DEF8: variants seen among roughly 807,000 people sequenced by gnomAD.
DEF8 encodes DEF-8.
A neutral mutation model predicts 59.1 loss-of-function variants in DEF8; 38 were observed. That is an observed-to-expected ratio of 0.64 (90% CI 0.50 to 0.84). The LOEUF (loss-of-function observed/expected upper bound fraction) is 0.84, where lower values mean the gene tolerates loss of function less well. DEF8 is among the 40% of genes least tolerant of loss of function. The pLI is 0.00. For missense variants in DEF8, 557 were observed against 615.2 expected (o/e 0.91, Z 1.00); for synonymous variants, 265 against 250.1 (o/e 1.06, Z -0.56).
At position 89,961,752 on chromosome 16, in the gene DEF8, A is replaced by G; in HGVS notation, c.695A>G (p.Glu232Gly). ...GACCCTGCAGGGGGTGTGCCCAGTGAGGCCAGGCAGTGCGACTACACCGGC... is the reference window on the plus strand; with the variant it reads ...GACCCTGCAGGGGGTGTGCCCAGTGGGGCCAGGCAGTGCGACTACACCGGC... The part of the protein sequence containing the change: ...APISLRGVPS[E>G]ARQCDYTGQY... The change falls in exon 8 of 13, where the codon GAG becomes GGG. Residue 232 changes from glutamate (E) to glycine (G), a missense_variant. Physicochemically the swap from Glu to Gly is moderately conservative, Grantham distance 98. Transcript: ENST00000563594. 4 of 1,613,502 alleles carry G rather than the reference A, an allele frequency of 2.5e-6. No homozygotes were observed.
At chr16:89,956,491 G>A (rs2151167802) in intron 4 of DEF8, 1 of 151,704 alleles carries the variant, frequency 6.6e-6, no homozygotes, top group South Asian at 2.1e-4. Context: ...TCATATATTT[G>A]TTTCGTATCT....
rs1159724132 is a variant in DEF8, at chr16:89,954,601, T to G, written c.124+225T>G. Among the ~76,000 whole-genome samples the G allele has an allele frequency of 6.6e-6, 1 of 152,202 alleles. No homozygotes were observed. Among genetic ancestry groups the G allele is most frequent in the Non-Finnish European group, 1.5e-5 (1 of 68,028 alleles). ...GCAAGATTTGTGCCTGACCCATCAC[T>G]GCTGCATCCTAGGGCCCAGCACATA... On this transcript the variant is annotated intron_variant, in intron 3 of 12. Coordinates refer to ENST00000563594, the MANE Select transcript of DEF8 (RefSeq NM_001242818.2). The surrounding 1 kb of genome is among the most constrained non-coding windows in gnomAD (Gnocchi z 4.3).
rs975846760 is a variant in DEF8, at chr16:89,963,696, A to G, written c.1002+253A>G. 4 of 540,550 alleles carry G rather than the reference A, an allele frequency of 7.4e-6. No homozygotes were observed. In the East Asian group the frequency reaches 9.1e-5, roughly 12 times the overall value. The allele number at this position is 540,550 out of a possible 1,614,324, so 33.5% of individuals were successfully genotyped here. A position where few individuals can be genotyped will look rare whatever the true frequency, so the allele number is the denominator to read the frequency against. On this transcript the variant is annotated intron_variant, in intron 10 of 12. Transcript: ENST00000563594. ...GGGTCCAGCCCAGCCCTCGTCAGGC[A>G]GGTTGACCACAAAACACAGTTTTCA...
Position 89,957,649 on chromosome 16 carries a change from C to T in DEF8, c.361C>T (p.Gln121Ter). ...VRLIHLRLKL[Q>*]ELKDPNEDEP... ...ACTCATCCACCTCCGGCTGAAGCTCCAGGAGCTGAAGGTGGGTGTGGGGCC... is the reference window on the plus strand; with the variant it reads ...ACTCATCCACCTCCGGCTGAAGCTCTAGGAGCTGAAGGTGGGTGTGGGGCC... The change falls in exon 5 of 13, where the codon CAG (glutamine) becomes TAG (stop). Residue 121 changes from glutamine to a stop codon, truncating the protein, a stop_gained. Coordinates refer to ENST00000563594, the MANE Select transcript of DEF8 (RefSeq NM_001242818.2). LOFTEE classifies it high-confidence loss of function. 1.3e-6 allele frequency: 2 copies of T among 1,562,708 alleles called. No individual in the cohort carries two copies. Among genetic ancestry groups the T allele is most frequent in the East Asian group, 2.4e-5 (1 of 42,026 alleles).
chr16:89,961,225 T>C, intron 7 of DEF8, 130 bp downstream of exon 7: 2 of 1,218,234 alleles, frequency 1.6e-6, no homozygotes, highest in Non-Finnish European at 1.1e-6. Flanking sequence ...TTGATATCTT[T>C]AGGAAGTGAC....
Position 89,961,762 on chromosome 16 carries a change from G to C in DEF8, c.705G>C (p.Gln235His). 6.2e-7 allele frequency: 1 copy of C among 1,613,564 alleles called. No individual in the cohort carries two copies. Among genetic ancestry groups the C allele is most frequent in the South Asian group, 1.1e-5 (1 of 91,074 alleles). ...GGGGTGTGCCCAGTGAGGCCAGGCAGTGCGACTACACCGGCCAGTACTACT... is the reference window on the plus strand; with the variant it reads ...GGGGTGTGCCCAGTGAGGCCAGGCACTGCGACTACACCGGCCAGTACTACT... ...SLRGVPSEAR[Q>H]CDYTGQYYCS... Residue 235 changes from glutamine (Q) to histidine (H), a missense_variant, in exon 8 of 13, where the codon CAG becomes CAC. Gln to His is a conservative substitution (Grantham distance 24). Transcript: ENST00000563594.
chr16:89,949,568 C>T (rs149002141), intron 2 of DEF8, 55 bp downstream of exon 2: 1 of 1,613,414 alleles, frequency 6.2e-7, no homozygotes, highest in Non-Finnish European at 8.5e-7. Context: ...TTCTCAGGTT[C>T]TCGGGGTGGC....
chr16:89,962,775 C>G (rs557862926), intron 9 of DEF8, among the ~76,000 whole-genome samples: 1 of 152,372 alleles, frequency 6.6e-6, no homozygotes, highest in East Asian at 1.9e-4. Context: ...TATTTGCTTT[C>G]TTTTTCTTTT....
chr16:89,965,788 G>A (rs2034560191), intron 12 of DEF8, 73 bp from the exon 13 acceptor site: 4 of 979,666 alleles, frequency 4.1e-6, no homozygotes, highest in Non-Finnish European at 6.2e-6. Flanking sequence ...GATAGGAGCT[G>A]ACCTAGGACG....
At chr16:89,962,196 C>T (rs1478693965) in intron 9 of DEF8, 71 bp downstream of exon 9, 2 of 1,338,296 alleles carry the variant, frequency 1.5e-6, no homozygotes, top group Non-Finnish European at 1.1e-6. Flanking sequence ...GGGCCAGTAC[C>T]CTCTTCTCCT....
chr16:89,949,483 G>C lies in DEF8; in HGVS notation c.-41G>C. ...CTAGAGGAATGGCCATCCTGTCCCT[G>C]CGAGCCCCTGGGCCCTGGCAGGCGA... is the stretch of plus-strand genomic sequence containing the variant. On this transcript the variant is annotated 5_prime_UTR_variant, in exon 2 of 13. Transcript: ENST00000563594. 2 of 1,612,734 alleles carry C rather than the reference G, an allele frequency of 1.2e-6. No homozygotes were observed. Among genetic ancestry groups the C allele is most frequent in the Non-Finnish European group, 1.7e-6 (2 of 1,179,880 alleles).
In DEF8 at chr16:89,964,221, G is replaced by T; in HGVS notation, c.1054G>T (p.Asp352Tyr). 6.2e-7 allele frequency: 1 copy of T among 1,613,798 alleles called. No homozygotes were observed. The highest frequency in any genetic ancestry group is 8.5e-7 in the Non-Finnish European group (1 of 1,179,900). ...GAACGACGAGATGTACTCTGTCCAGGACCTCCTGGACGTGCATGCCGGCCG... is the reference window on the plus strand; with the variant it reads ...GAACGACGAGATGTACTCTGTCCAGTACCTCCTGGACGTGCATGCCGGCCG... ...VENDEMYSVQDLLDVHAGRLG... is the reference protein window; with the variant it reads ...VENDEMYSVQYLLDVHAGRLG... Residue 352 changes from aspartate (D) to tyrosine (Y), a missense_variant, in exon 11 of 13, where the codon GAC (aspartate) becomes TAC (tyrosine). Physicochemically the swap from Asp to Tyr is radical, Grantham distance 160. Coordinates refer to ENST00000563594, the MANE Select transcript of DEF8 (RefSeq NM_001242818.2).
At position 89,961,804 on chromosome 16, in the gene DEF8, G is replaced by C; in HGVS notation, c.747G>C (p.Trp249Cys). The C allele has an allele frequency of 6.2e-7, 1 of 1,613,266 alleles. No homozygotes were observed. Among genetic ancestry groups the C allele is most frequent in the Non-Finnish European group, 8.5e-7 (1 of 1,179,686 alleles). Reference protein sequence around the residue: ...TGQYYCSHCHWNDLAVIPARV... With the variant: ...TGQYYCSHCHCNDLAVIPARV... ...AGTACTACTGCAGCCACTGCCACTGGAACGACCTGGCTGTGATCCCTGCAC... is the reference window on the plus strand; with the variant it reads ...AGTACTACTGCAGCCACTGCCACTGCAACGACCTGGCTGTGATCCCTGCAC... The change falls in exon 8 of 13, where the codon TGG becomes TGC. Residue 249 changes from tryptophan to cysteine, a missense_variant. By Grantham distance (215) the Trp-to-Cys change is radical (BLOSUM62 -2). Coordinates refer to ENST00000563594, the MANE Select transcript of DEF8 (RefSeq NM_001242818.2).
In DEF8 at chr16:89,966,050, C is replaced by G; in HGVS notation, c.*87C>G. ...GTTGTTCCTTCTGCTCCGGAGACCC[C>G]TGGGGTGCGGCCCTGGCCCCCTCCA... On this transcript the variant is annotated 3_prime_UTR_variant, in exon 13 of 13. Coordinates refer to ENST00000563594, the MANE Select transcript of DEF8 (RefSeq NM_001242818.2). The G allele has an allele frequency of 9.2e-7, 1 of 1,084,760 alleles. No homozygotes were observed. The highest frequency in any genetic ancestry group is 1.4e-6 in the Non-Finnish European group (1 of 740,716). 67.2% of individuals were successfully genotyped at this position (1,084,760 alleles called of 1,614,324 possible).
Position 89,954,326 on chromosome 16 carries a change from G to C in DEF8, c.74G>C (p.Arg25Thr). Residue 25 changes from arginine to threonine, a missense_variant, in exon 3 of 13, where the codon AGA becomes ACA. Transcript: ENST00000563594. This position sits in a 1 kb window ranked among gnomAD's most constrained non-coding sequence, Gnocchi z 4.3. ...CCCTTCAACAAGCAGTCTGGGCCGA[G>C]ACAGCATGAGCAGGGCCCTGGGGAG... ...LNPFNKQSGP[R>T]QHEQGPGEEV... The C allele has an allele frequency of 6.2e-7, 1 of 1,613,866 alleles. No homozygotes were observed. Among genetic ancestry groups the C allele is most frequent in the Non-Finnish European group, 8.5e-7 (1 of 1,179,964 alleles).
intron 10 of DEF8, chr16:89,963,792 G>T: frequency 4.1e-6 from 2 of 489,014 alleles, no homozygotes; most frequent in East Asian, 3.8e-5. Flanking sequence ...AAACAGACAG[G>T]AATGCTTGCC....
chr16:89,963,905 G>C (rs1351335095), intron 10 of DEF8: 1 of 569,812 alleles, frequency 1.8e-6, no homozygotes, highest in East Asian at 3.2e-5. Context: ...TGTGGGAAGC[G>C]TGGGGAGTGC....
intron 2 of DEF8, among the ~76,000 whole-genome samples, chr16:89,951,956 C>T (rs1160451861): frequency 2.6e-5 from 4 of 151,892 alleles, no homozygotes; most frequent in Non-Finnish European, 4.4e-5. Flanking sequence ...CGGCTCACTG[C>T]AAGCTCCGCT....
chr16:89,953,245 C>T (rs916307209), intron 2 of DEF8, among the ~76,000 whole-genome samples: 1 of 152,208 alleles, frequency 6.6e-6, no homozygotes, highest in Admixed American at 6.5e-5. Flanking sequence ...TCTGTTAACT[C>T]ATTTCACCCT....
Sources: allele counts gnomAD v4.1 joint callset (sites outside exome capture counted in the v4.1 genomes callset), GRCh38; gene constraint gnomAD v4.1.1; non-coding constraint Gnocchi (gnomAD v3.1); transcripts MANE v1.5; gene names NCBI Gene and HGNC (gene_info 2026-07-23, HGNC 2026-07-21).